ADGRB3: variants seen among roughly 807,000 people sequenced by gnomAD.
The protein encoded by ADGRB3 is brain-specific angiogenesis inhibitor 3.
A neutral mutation model predicts 193.4 loss-of-function variants in ADGRB3; 37 were observed. That is an observed-to-expected ratio of 0.19 (90% CI 0.15 to 0.25). ADGRB3 has a LOEUF of 0.25. ADGRB3 is among the 10% of genes least tolerant of loss of function. The probability of loss-of-function intolerance (pLI) is 1.00; values close to 1 mark genes in which losing one functional copy is unlikely to be tolerated. For synonymous variants in ADGRB3, 690 were observed against 644.2 expected (o/e 1.07, Z -1.08); for missense variants, 1,637 against 1,852.9 (o/e 0.88, Z 2.14).
At chr6:68,920,473 C>T (rs916987447) in intron 3 of ADGRB3, among the ~76,000 whole-genome samples, 8 of 144,080 alleles carry the variant, frequency 5.6e-5, no homozygotes, top group African/African-American at 1.0e-4. Context: ...AGCCGAGATC[C>T]GCCATTGCAC....
chr6:68,637,879 G>T (rs190486647), intron 2 of ADGRB3, among the ~76,000 whole-genome samples: 398 of 152,028 alleles, frequency 2.6e-3, no homozygotes, highest in African/African-American at 9.3e-3. Flanking sequence ...TCCCAAAAGG[G>T]CATGTCACAT....
At chr6:68,950,502 C>T (rs950549677) in intron 6 of ADGRB3, among the ~76,000 whole-genome samples, 7 of 152,000 alleles carry the variant, frequency 4.6e-5, no homozygotes, top group African/African-American at 9.7e-5. Flanking sequence ...TTGCAGTACT[C>T]GCTGCTTTGT....
intron 23 of ADGRB3, chr6:69,332,662 G>A (rs1490651326): frequency 2.0e-6 from 2 of 985,266 alleles, no homozygotes; most frequent in Admixed American, 6.1e-5. Flanking sequence ...TAAAATTCAG[G>A]CAATTGAAGG....
intron 17 of ADGRB3, among the ~76,000 whole-genome samples, chr6:69,091,477 A>C (rs1386284087): frequency 6.6e-6 from 1 of 152,214 alleles, no homozygotes; most frequent in East Asian, 1.9e-4. Context: ...GAATGAGATC[A>C]TGTTCTTTGC....
chr6:69,071,410 A>G (rs544320214), intron 16 of ADGRB3, among the ~76,000 whole-genome samples: 1 of 152,328 alleles, frequency 6.6e-6, no homozygotes, highest in African/African-American at 2.4e-5. Context: ...GATATATTCT[A>G]CTGTCAAGTA....
intron 20 of ADGRB3, among the ~76,000 whole-genome samples, chr6:69,303,683 T>C (rs1043708714): frequency 2.0e-5 from 3 of 151,966 alleles, no homozygotes; most frequent in Non-Finnish European, 2.9e-5. Context: ...AAAAAATTTT[T>C]TGCTCATTTT....
intron 17 of ADGRB3, among the ~76,000 whole-genome samples, chr6:69,129,131 G>A (rs902501178): frequency 6.6e-6 from 1 of 152,118 alleles, no homozygotes; most frequent in African/African-American, 2.4e-5. Flanking sequence ...GCTTAATGAG[G>A]TGGGCATTAC....
At chr6:69,083,420 A>T (rs528625715) in intron 17 of ADGRB3, among the ~76,000 whole-genome samples, 1 of 152,188 alleles carries the variant, frequency 6.6e-6, no homozygotes, top group African/African-American at 2.4e-5. Context: ...TTGAGAACCT[A>T]TTATTTGTTC....
intron 20 of ADGRB3, among the ~76,000 whole-genome samples, chr6:69,279,991 C>T (rs1231912592): frequency 6.6e-6 from 1 of 152,178 alleles, no homozygotes; most frequent in Non-Finnish European, 1.5e-5. Context: ...AGGCCTCCCA[C>T]GGTTGTGAGG....
intron 11 of ADGRB3, among the ~76,000 whole-genome samples, chr6:68,998,851 G>A (rs1427533173): frequency 6.6e-6 from 1 of 152,140 alleles, no homozygotes; most frequent in Non-Finnish European, 1.5e-5. Context: ...CAGCTGTCGG[G>A]TCATAAGATG....
chr6:68,680,622 T>C (rs1764878030), intron 3 of ADGRB3, among the ~76,000 whole-genome samples: 1 of 152,202 alleles, frequency 6.6e-6, no homozygotes, highest in Non-Finnish European at 1.5e-5. Context: ...CAGGATAGAA[T>C]TTAATTTCTA....
At chr6:69,239,777 A>G (rs1766347171) in intron 20 of ADGRB3, among the ~76,000 whole-genome samples, 1 of 152,052 alleles carries the variant, frequency 6.6e-6, no homozygotes, top group Non-Finnish European at 1.5e-5. Flanking sequence ...ACTTAGCAGA[A>G]TGGAAAAGTG....
At chr6:69,150,897 C>A (rs1332256452) in intron 17 of ADGRB3, among the ~76,000 whole-genome samples, 1 of 152,210 alleles carries the variant, frequency 6.6e-6, no homozygotes, top group Non-Finnish European at 1.5e-5. Context: ...TAGAAATGTC[C>A]TCTGGGAGCT....
intron 20 of ADGRB3, among the ~76,000 whole-genome samples, chr6:69,273,549 G>A (rs191286832): frequency 1.3e-5 from 2 of 152,256 alleles, no homozygotes; most frequent in Admixed American, 6.5e-5. Flanking sequence ...GATAAAGTCT[G>A]GAATTGAGAT....
chr6:69,212,580 T>C (rs1010904863), intron 17 of ADGRB3, among the ~76,000 whole-genome samples: 1 of 152,182 alleles, frequency 6.6e-6, no homozygotes, highest in African/African-American at 2.4e-5. Context: ...TTTCTTTTAT[T>C]CCTCCAGACA....
chr6:68,975,718 G>A (rs1056966284), intron 10 of ADGRB3, among the ~76,000 whole-genome samples: 9 of 152,128 alleles, frequency 5.9e-5, no homozygotes, highest in Non-Finnish European at 1.2e-4. Context: ...TAAATTTGCA[G>A]TAGTTGGACA....
At chr6:69,100,054 C>T (rs1316074039) in intron 17 of ADGRB3, among the ~76,000 whole-genome samples, 1 of 152,164 alleles carries the variant, frequency 6.6e-6, no homozygotes, top group Admixed American at 6.5e-5. Flanking sequence ...CAGTCATTTA[C>T]ACTTAAACAA....
At chr6:69,259,462 A>G (rs935742383) in intron 20 of ADGRB3, among the ~76,000 whole-genome samples, 3 of 152,050 alleles carry the variant, frequency 2.0e-5, no homozygotes, top group African/African-American at 4.8e-5. Flanking sequence ...TTGGGAGGCC[A>G]AGGTGGGCGG....
rs564686427 is a variant in ADGRB3 at position 69,139,460 on chromosome 6, G to A, written c.2480+63422G>A. On this transcript the variant is annotated intron_variant, in intron 17 of 31. Transcript: ENST00000370598. ...GTCATTGTTTCTCAAATAAAGACAT[G>A]TATCTGTTGGGTAAAGTTGCATTTT... Among the ~76,000 whole-genome samples the A allele has an allele frequency of 1.4e-4, 22 of 152,296 alleles. 1 individual carries two copies. The highest frequency in any genetic ancestry group is 3.9e-4 in the East Asian group (2 of 5,178).
Sources: allele counts gnomAD v4.1 joint callset (sites outside exome capture counted in the v4.1 genomes callset), GRCh38; gene constraint gnomAD v4.1.1; transcripts MANE v1.5; gene names NCBI Gene and HGNC (gene_info 2026-07-23, HGNC 2026-07-21).